Variants in PEX3 observed in about 807,000 individuals in gnomAD.
PEX3 encodes peroxin-3.
PEX3 carries 30 observed loss-of-function variants against 55.8 expected under a neutral mutation model. The ratio of observed to expected loss-of-function variants is 0.54; its 90% CI spans 0.40 to 0.73. PEX3 has a LOEUF of 0.73. Among genes scored for constraint, PEX3 ranks in the 30% least tolerant of loss-of-function variants. The pLI is 0.00. For synonymous variants in PEX3, 135 were observed against 148.4 expected (o/e 0.91, Z 0.66); for missense variants, 351 against 432.8 (o/e 0.81, Z 1.68).
At position 143,479,023 on chromosome 6, in the gene PEX3, TTTCTC is replaced by T; in HGVS notation, c.819-49_819-45del. ...GTAACCACGTTATTACTGAATTTGT[TTTCTC>T]TTCCATTCAGAGTCTAAAAAGTAAC... On this transcript the variant is annotated intron_variant, in intron 9 of 11. Coordinates refer to ENST00000367591, the MANE Select transcript of PEX3 (RefSeq NM_003630.3). This position sits in a 1 kb window ranked among gnomAD's most constrained non-coding sequence, Gnocchi z 4.6. 8.5e-7 allele frequency: 1 copy of T among 1,179,260 alleles called. No homozygotes were observed. The highest frequency in any genetic ancestry group is 1.3e-6 in the Non-Finnish European group (1 of 787,844). The allele number at this position is 1,179,260 out of a possible 1,614,324, so 73.0% of individuals were successfully genotyped here.
In PEX3 at chr6:143,463,143, T is replaced by A. The variant is rs1779947698; in HGVS notation, c.287+146T>A. 4 of 658,770 alleles carry A rather than the reference T, an allele frequency of 6.1e-6. No individual in the cohort carries two copies. 40.8% of individuals were successfully genotyped at this position (658,770 alleles called of 1,614,324 possible). On this transcript the variant is annotated intron_variant, in intron 3 of 11. Transcript: ENST00000367591. This position sits in a 1 kb window ranked among gnomAD's most constrained non-coding sequence, Gnocchi z 5.7. ...GTAAGAAAAATACTAACTATATCATTTAACCTACATTTAATTTTGTCTATG... is the reference window on the plus strand; with the variant it reads ...GTAAGAAAAATACTAACTATATCATATAACCTACATTTAATTTTGTCTATG...
At position 143,476,235 on chromosome 6, in the gene PEX3, G is replaced by T. The variant is rs1780152034; in HGVS notation, c.818+1379G>T. ...TTGCAGTGATCCTAATGCTTGGCCT[G>T]TTCAAGGAATAGCAAGGAGGCCATT... On this transcript the variant is annotated intron_variant, in intron 9 of 11. Coordinates refer to ENST00000367591, the MANE Select transcript of PEX3 (RefSeq NM_003630.3). This position sits in a 1 kb window ranked among gnomAD's most constrained non-coding sequence, Gnocchi z 5.4. 6.6e-6 allele frequency among the ~76,000 whole-genome samples: 1 copy of T among 152,194 alleles called. No homozygotes were observed. Among genetic ancestry groups the T allele is most frequent in the Non-Finnish European group, 1.5e-5 (1 of 68,026 alleles).
At position 143,451,887 on chromosome 6, in the gene PEX3, A is replaced by G. The variant is rs967840377; in HGVS notation, c.73+772A>G. On this transcript the variant is annotated intron_variant, in intron 1 of 11. Transcript: ENST00000367591. The surrounding 1 kb of genome is among the most constrained non-coding windows in gnomAD (Gnocchi z 4.1). ...TCAGGGATTTGAAGGAGGGAATAAA[A>G]GTTTTGTGAATTATATGAAAAGGAC... Among the ~76,000 whole-genome samples the G allele has an allele frequency of 1.3e-5, 2 of 152,222 alleles. No homozygotes were observed. Among genetic ancestry groups the G allele is most frequent in the Non-Finnish European group, 2.9e-5 (2 of 68,032 alleles).
At position 143,476,136 on chromosome 6, in the gene PEX3, T is replaced by A. The variant is rs1030629376; in HGVS notation, c.818+1280T>A. Among the ~76,000 whole-genome samples the A allele has an allele frequency of 6.6e-6, 1 of 152,226 alleles. No individual in the cohort carries two copies. The highest frequency in any genetic ancestry group is 1.5e-5 in the Non-Finnish European group (1 of 68,022). ...AAGGCCTCTTTGAGGAGATGTCATTTGAGCAGAGACCTGAATATACTGTGG... is the reference window on the plus strand; with the variant it reads ...AAGGCCTCTTTGAGGAGATGTCATTAGAGCAGAGACCTGAATATACTGTGG... On this transcript the variant is annotated intron_variant, in intron 9 of 11. Coordinates refer to ENST00000367591, the MANE Select transcript of PEX3 (RefSeq NM_003630.3). The surrounding 1 kb of genome is among the most constrained non-coding windows in gnomAD (Gnocchi z 5.4).
rs1275405247 is a variant in PEX3, at chr6:143,483,497, C to T, written c.942-1655C>T. On this transcript the variant is annotated intron_variant, in intron 10 of 11. Coordinates refer to ENST00000367591, the MANE Select transcript of PEX3 (RefSeq NM_003630.3). The surrounding 1 kb of genome is among the most constrained non-coding windows in gnomAD (Gnocchi z 4.3). ...TACAGGGCAAAGGTTTTGAAGCCAC[C>T]TAAGTACATTTTAAGACTTATAAAG... Among the ~76,000 whole-genome samples the T allele has an allele frequency of 6.6e-6, 1 of 152,082 alleles. No individual in the cohort carries two copies. The highest frequency in any genetic ancestry group is 1.5e-5 in the Non-Finnish European group (1 of 68,010).
intron 8 of PEX3, among the ~76,000 whole-genome samples, chr6:143,473,914 G>A (rs534894153): frequency 4.6e-5 from 7 of 150,746 alleles, no homozygotes; most frequent in African/African-American, 1.7e-4. Flanking sequence ...ATGGCTTGAG[G>A]CCAGGAATTT....
In PEX3 at chr6:143,480,481, A is replaced by G. The variant is rs569875266; in HGVS notation, c.941+1283A>G. Among the ~76,000 whole-genome samples, 9 of 152,292 alleles carry G rather than the reference A, an allele frequency of 5.9e-5. No individual in the cohort carries two copies. In the South Asian group the frequency reaches 1.7e-3, roughly 28 times the overall value. On this transcript the variant is annotated intron_variant, in intron 10 of 11. Coordinates refer to ENST00000367591, the MANE Select transcript of PEX3 (RefSeq NM_003630.3). ...CTTTCATGTACAACCTACATGTGCT[A>G]CCTTGAATTGGAGTTTTATTCCTCA...
chr6:143,470,376 C>T lies in PEX3; in HGVS notation c.332-585C>T, dbSNP rs1780056726. Among the ~76,000 whole-genome samples, 3 of 152,212 alleles carry T rather than the reference C, an allele frequency of 2.0e-5. No individual in the cohort carries two copies. The South Asian group carries it at 6.2e-4, about 32-fold the overall frequency. On this transcript the variant is annotated intron_variant, in intron 4 of 11. Transcript: ENST00000367591. ...CCTGTGTCTTCACCTAAGCAGGTCTCTCAAGCGTCAGTAACAACTTCTGTG... is the reference window on the plus strand; with the variant it reads ...CCTGTGTCTTCACCTAAGCAGGTCTTTCAAGCGTCAGTAACAACTTCTGTG...
rs1352891310 is a variant in PEX3 at position 143,489,269 on chromosome 6, T to A, written c.*43T>A. The A allele has an allele frequency of 9.7e-7, 1 of 1,034,010 alleles. No homozygotes were observed. Among genetic ancestry groups the A allele is most frequent in the Non-Finnish European group, 1.5e-6 (1 of 650,888 alleles). 64.1% of individuals were successfully genotyped at this position (1,034,010 alleles called of 1,614,324 possible). A position where few individuals can be genotyped will look rare whatever the true frequency, so the allele number is the denominator to read the frequency against. On this transcript the variant is annotated 3_prime_UTR_variant, in exon 12 of 12. Coordinates refer to ENST00000367591, the MANE Select transcript of PEX3 (RefSeq NM_003630.3). The surrounding 1 kb of genome is among the most constrained non-coding windows in gnomAD (Gnocchi z 5.5). ...ACTACAGTGGGATTCATTTACTTTT[T>A]AAAATACACTGGGTAAATCACCTAT...
chr6:143,466,309 C>A lies in PEX3; in HGVS notation c.288-1813C>A, dbSNP rs1779991043. ...GCCATTGTGAATAACATGAAGAAAT[C>A]TCCCTTTGTCCAGCGGATCCATGCT... On this transcript the variant is annotated intron_variant, in intron 3 of 11. Transcript: ENST00000367591. This position sits in a 1 kb window ranked among gnomAD's most constrained non-coding sequence, Gnocchi z 5.4. Among the ~76,000 whole-genome samples the A allele has an allele frequency of 2.0e-5, 3 of 152,040 alleles. No homozygotes were observed. In the South Asian group the frequency reaches 6.2e-4, roughly 31 times the overall value.
chr6:143,455,659 T>G (rs1303607942), intron 1 of PEX3, among the ~76,000 whole-genome samples: 1 of 152,038 alleles, frequency 6.6e-6, no homozygotes, highest in Admixed American at 6.6e-5. Context: ...TGATATGAGA[T>G]TTATGTTTTA....
Position 143,450,934 on chromosome 6 carries a change from AC to A in PEX3, c.-108del. ...GTTTGTGATTTCGGGAGAGCACAGA[AC>A]GGGACGACGGCGCTCTTGCTGGGTC... is the stretch of plus-strand genomic sequence containing the variant. On this transcript the variant is annotated 5_prime_UTR_variant, in exon 1 of 12. Transcript: ENST00000367591. 1.1e-6 allele frequency: 1 copy of A among 884,282 alleles called. No homozygotes were observed. The allele number at this position is 884,282 out of a possible 1,614,324, so 54.8% of individuals were successfully genotyped here. A position where few individuals can be genotyped will look rare whatever the true frequency, so the allele number is the denominator to read the frequency against.
rs537263587 is a variant in PEX3 at position 143,463,328 on chromosome 6, C to G, written c.287+331C>G. ...AGATGCTGTGAAGCTAACAAAGTTA[C>G]GTTAAATATTGTGCTTCTTTCTGAA... On this transcript the variant is annotated intron_variant, in intron 3 of 11. Coordinates refer to ENST00000367591, the MANE Select transcript of PEX3 (RefSeq NM_003630.3). The surrounding 1 kb of genome is among the most constrained non-coding windows in gnomAD (Gnocchi z 5.7). Among the ~76,000 whole-genome samples, 1 of 152,210 alleles carries G rather than the reference C, an allele frequency of 6.6e-6. No individual in the cohort carries two copies. The highest frequency in any genetic ancestry group is 1.9e-4 in the East Asian group (1 of 5,182).
In PEX3 at chr6:143,458,155, T is replaced by C. The variant is rs1373779341; in HGVS notation, c.74-930T>C. ...AATGTGGCTTTTGATCAAGTGTGGC[T>C]AACTAACCACTCTGGAATGTTCACA... On this transcript the variant is annotated intron_variant, in intron 1 of 11. Transcript: ENST00000367591. This position sits in a 1 kb window ranked among gnomAD's most constrained non-coding sequence, Gnocchi z 6.1. 1.3e-5 allele frequency among the ~76,000 whole-genome samples: 2 copies of C among 152,204 alleles called. No individual in the cohort carries two copies.
At position 143,453,575 on chromosome 6, in the gene PEX3, C is replaced by T. The variant is rs181933357; in HGVS notation, c.73+2460C>T. Among the ~76,000 whole-genome samples, 758 of 152,146 alleles carry T rather than the reference C, an allele frequency of 5.0e-3. 23 individuals are homozygous for T. The highest frequency in any genetic ancestry group is 1.7e-3 in the Non-Finnish European group (119 of 68,018). ...AGAATACAATGGTGTGATCGTAGCT[C>T]ACTGCAGCCTTGTTTTCTCCTTTGC... On this transcript the variant is annotated intron_variant, in intron 1 of 11. Transcript: ENST00000367591. This position sits in a 1 kb window ranked among gnomAD's most constrained non-coding sequence, Gnocchi z 4.6.
rs1167888837 is a variant in PEX3, at chr6:143,462,623, C to T, written c.206-293C>T. On this transcript the variant is annotated intron_variant, in intron 2 of 11. Transcript: ENST00000367591. The surrounding 1 kb of genome is among the most constrained non-coding windows in gnomAD (Gnocchi z 4.1). ...TGTTCATAATCCATAGCTCAAAGAC[C>T]ACCACTGTTAAAATCTGAGAATAAT... 1.3e-5 allele frequency among the ~76,000 whole-genome samples: 2 copies of T among 152,014 alleles called. No homozygotes were observed. Among genetic ancestry groups the T allele is most frequent in the African/African-American group, 4.8e-5 (2 of 41,392 alleles).
At chr6:143,484,818 A>G (rs185123038) in intron 10 of PEX3, among the ~76,000 whole-genome samples, 1 of 152,246 alleles carries the variant, frequency 6.6e-6, no homozygotes, top group African/African-American at 2.4e-5. Context: ...ATTACTGTAT[A>G]GTCATTAAAA....
chr6:143,464,229 G>A lies in PEX3; in HGVS notation c.287+1232G>A, dbSNP rs1779962085. ...AATTTCCTTTTTGTCATGATGAGAA[G>A]GCAAGACAAGTTAAATAAGTGAATA... On this transcript the variant is annotated intron_variant, in intron 3 of 11. Transcript: ENST00000367591. This position sits in a 1 kb window ranked among gnomAD's most constrained non-coding sequence, Gnocchi z 5.8. 6.6e-6 allele frequency among the ~76,000 whole-genome samples: 1 copy of A among 152,028 alleles called. No homozygotes were observed.
At chr6:143,477,537 G>T (rs2128747344) in intron 9 of PEX3, among the ~76,000 whole-genome samples, 2 of 152,212 alleles carry the variant, frequency 1.3e-5, no homozygotes, top group Admixed American at 1.3e-4. Context: ...CTGAGGATAG[G>T]TCAGATGCAT....
Sources: allele counts gnomAD v4.1 joint callset (sites outside exome capture counted in the v4.1 genomes callset), GRCh38; gene constraint gnomAD v4.1.1; non-coding constraint Gnocchi (gnomAD v3.1); transcripts MANE v1.5; gene names NCBI Gene and HGNC (gene_info 2026-07-23, HGNC 2026-07-21).